The following ATAD3A variants were observed in gnomAD, a reference collection of about 807,000 sequenced individuals.
ATAD3A encodes the protein ATPase family AAA domain-containing protein 3A.
ATAD3A carries 46 observed loss-of-function variants against 73.8 expected under a neutral mutation model. The ratio of observed to expected loss-of-function variants is 0.62; its 90% CI spans 0.49 to 0.80. The LOEUF (loss-of-function observed/expected upper bound fraction) is 0.80, where lower values mean the gene tolerates loss of function less well. Ranked by LOEUF, ATAD3A falls within the 30% of genes least tolerant of loss-of-function variation. The pLI is 0.00. For synonymous variants in ATAD3A, 319 were observed against 350.0 expected, an observed-to-expected ratio of 0.91 and a Z score of 0.99; for missense variants, 705 against 838.0, an observed-to-expected ratio of 0.84 and a Z score of 1.96.
intron 7 of ATAD3A, among the ~76,000 whole-genome samples, chr1:1,521,759 G>T (rs1316388429): frequency 6.6e-6 from 1 of 152,236 alleles, no homozygotes; most frequent in Non-Finnish European, 1.5e-5. Context: ...GAGTGCAATG[G>T]TGCCATCTCG....
chr1:1,527,528 G>A lies in ATAD3A; in HGVS notation c.1338-167G>A, dbSNP rs375153997. On this transcript the variant is annotated intron_variant, in intron 13 of 15. Transcript: ENST00000378756. The stretch of plus-strand genomic sequence containing the variant: ...GAACAGAGGCCCAGGAAGCCAGGCC[G>A]GGGGACAGCTGGGTGCAGTGGGGCA... Among the ~76,000 whole-genome samples, 32 of 152,206 alleles carry A rather than the reference G, an allele frequency of 2.1e-4. 2 individuals are homozygous for A. Among genetic ancestry groups the A allele is most frequent in the African/African-American group, 7.0e-4 (29 of 41,454 alleles).
At chr1:1,528,131 T>C (rs1641914815) in intron 14 of ATAD3A, among the ~76,000 whole-genome samples, 1 of 152,082 alleles carries the variant, frequency 6.6e-6, no homozygotes, top group African/African-American at 2.4e-5. Context: ...GGCTAATTTT[T>C]TTTTAATTTT....
In ATAD3A at chr1:1,517,494, C is replaced by T. The variant is rs142207140; in HGVS notation, c.384+82C>T. 827 of 1,169,974 alleles carry T rather than the reference C, an allele frequency of 7.1e-4. 9 individuals are homozygous for T. The highest frequency in any genetic ancestry group is 6.1e-3 in the South Asian group (377 of 62,188). The allele number at this position is 1,169,974 out of a possible 1,614,324, so 72.5% of individuals were successfully genotyped here. A position where few individuals can be genotyped will look rare whatever the true frequency, so the allele number is the denominator to read the frequency against. ...CAGGACTGGGAGCTGGGTGTGGTCCCGGGGCACTCTGGAGTCAGCCATTAG... is the reference window on the plus strand; with the variant it reads ...CAGGACTGGGAGCTGGGTGTGGTCCTGGGGCACTCTGGAGTCAGCCATTAG... On this transcript the variant is annotated intron_variant, in intron 3 of 15. Transcript: ENST00000378756.
In ATAD3A at chr1:1,513,543, G is replaced by A. The variant is rs1641265002; in HGVS notation, c.205+1070G>A. On this transcript the variant is annotated intron_variant, in intron 1 of 15. Coordinates refer to ENST00000378756, the MANE Select transcript of ATAD3A (RefSeq NM_001170535.3). ...CCTCTCTGTGGTGGAGCGGGGCCCGGGGCAGGGTCTCCAGGTGCACCGTGG... is the reference window on the plus strand; with the variant it reads ...CCTCTCTGTGGTGGAGCGGGGCCCGAGGCAGGGTCTCCAGGTGCACCGTGG... Among the ~76,000 whole-genome samples, 5 of 151,920 alleles carry A rather than the reference G, an allele frequency of 3.3e-5. No homozygotes were observed. The South Asian group carries it at 8.3e-4, about 25-fold the overall frequency.
At position 1,526,448 on chromosome 1, in the gene ATAD3A, C is replaced by G. The variant is rs772487030; in HGVS notation, c.1267-13C>G. On this transcript the variant is annotated splice_polypyrimidine_tract_variant and intron_variant, in intron 12 of 15. Coordinates refer to ENST00000378756, the MANE Select transcript of ATAD3A (RefSeq NM_001170535.3). Reference sequence around the variant, plus strand: ...TGCTCCTGGTGCCTAAGGCTGGAACCTTCTCTCTGCAGGAGAAGATAAGCG... The same window carrying G: ...TGCTCCTGGTGCCTAAGGCTGGAACGTTCTCTCTGCAGGAGAAGATAAGCG... The G allele has an allele frequency of 6.2e-7, 1 of 1,608,002 alleles. No homozygotes were observed. The highest frequency in any genetic ancestry group is 8.5e-7 in the Non-Finnish European group (1 of 1,176,912).
chr1:1,526,564 G>C (rs1194765705), intron 13 of ATAD3A, 33 bp downstream of exon 13: 1 of 1,611,636 alleles, frequency 6.2e-7, no homozygotes, highest in East Asian at 2.2e-5. Flanking sequence ...GGGCCCCCGG[G>C]CAGGGCTGTG....
chr1:1,527,039 G>T (rs1570350314), intron 13 of ATAD3A: 6 of 558,754 alleles, frequency 1.1e-5, no homozygotes, highest in African/African-American at 1.0e-4. Flanking sequence ...ACCCGACTTT[G>T]TGTGGCCTCT....
chr1:1,533,818 C>T (rs550032779), intron 15 of ATAD3A, 108 bp from the exon 16 acceptor site: 18,397 of 1,399,846 alleles, frequency 0.013, 173 homozygotes, highest in Non-Finnish European at 0.015. Context: ...CACGCTCAGG[C>T]CATCCTGGAG....
intron 15 of ATAD3A, 147 bp downstream of exon 15, chr1:1,529,478 GC>G: frequency 6.9e-7 from 1 of 1,448,740 alleles, no homozygotes; most frequent in South Asian, 1.4e-5. Context: ...AGGGCCCCCT[GC>G]CCCAGTCAGG....
intron 12 of ATAD3A, 77 bp from the exon 13 acceptor site, chr1:1,526,384 G>A (rs1641843995): frequency 6.4e-7 from 1 of 1,565,544 alleles, no homozygotes; most frequent in Admixed American, 1.9e-5. Context: ...GCAGGAGGGA[G>A]GCCTGTGGGA....
chr1:1,524,986 G>A (rs1408471224), intron 11 of ATAD3A, among the ~76,000 whole-genome samples: 1 of 152,204 alleles, frequency 6.6e-6, no homozygotes, highest in African/African-American at 2.4e-5. Context: ...GGGTGGGGGT[G>A]AAGCCTGTGG....
chr1:1,515,788 C>G (rs1641335127), intron 1 of ATAD3A, among the ~76,000 whole-genome samples: 1 of 152,242 alleles, frequency 6.6e-6, no homozygotes, highest in African/African-American at 2.4e-5. Flanking sequence ...CTCTCCAAGA[C>G]CATCCCTGGG....
In ATAD3A at chr1:1,527,772, A is replaced by G; in HGVS notation, c.1415A>G (p.His472Arg). 6.2e-7 allele frequency: 1 copy of G among 1,613,962 alleles called. No homozygotes were observed. Among genetic ancestry groups the G allele is most frequent in the Non-Finnish European group, 8.5e-7 (1 of 1,179,954 alleles). ...AINDRINEMV[H>R]FDLPGQEERE... is the part of the protein sequence containing the mutation. ...AATGACCGCATCAATGAGATGGTCC[A>G]CTTCGACCTGCCAGGGCAGGAGGAA... Residue 472 changes from histidine to arginine, a missense_variant, in exon 14 of 16, where the codon CAC (histidine) becomes CGC (arginine). His to Arg is a conservative substitution (Grantham distance 29). Coordinates refer to ENST00000378756, the MANE Select transcript of ATAD3A (RefSeq NM_001170535.3).
At chr1:1,533,761 G>C (rs1642116283) in intron 15 of ATAD3A, among the ~76,000 whole-genome samples, 165 bp from the exon 16 acceptor site, 2 of 151,430 alleles carry the variant, frequency 1.3e-5, no homozygotes, top group Admixed American at 1.3e-4. Flanking sequence ...TGCTCCCGGT[G>C]TCCACACACG....
chr1:1,516,091 G>T lies in ATAD3A; in HGVS notation c.282+3G>T, dbSNP rs1283927287. 3.1e-6 allele frequency: 5 copies of T among 1,613,180 alleles called. No homozygotes were observed. The Admixed American group carries it at 8.3e-5, about 27-fold the overall frequency. On this transcript the variant is annotated splice_donor_region_variant and intron_variant, in intron 2 of 15. Transcript: ENST00000378756. ...TGGAGCAACAGTCCAAGCTCAAAGT[G>T]AGTGGGGCCGGTGTGGGTGGGGAGG...
At chr1:1,533,577 G>A (rs1191538170) in intron 15 of ATAD3A, among the ~76,000 whole-genome samples, 1 of 152,176 alleles carries the variant, frequency 6.6e-6, no homozygotes, top group Non-Finnish European at 1.5e-5. Context: ...TGACCCGGGG[G>A]CACTGCCTGG....
intron 7 of ATAD3A, among the ~76,000 whole-genome samples, chr1:1,521,692 C>T (rs888829944): frequency 6.6e-6 from 1 of 152,210 alleles, no homozygotes; most frequent in African/African-American, 2.4e-5. Context: ...GCTTAATGCG[C>T]CGATGACTTT....
At chr1:1,522,703 A>G (rs764442119) in intron 7 of ATAD3A, 41 bp from the exon 8 acceptor site, 7 of 1,608,386 alleles carry the variant, frequency 4.4e-6, no homozygotes, top group Non-Finnish European at 5.1e-6. Flanking sequence ...AGAGGGAGGG[A>G]CGGTGGGGGC....
chr1:1,517,023 A>G, intron 2 of ATAD3A: 3 of 1,420,390 alleles, frequency 2.1e-6, no homozygotes, highest in Non-Finnish European at 2.8e-6. Flanking sequence ...ACTCAGCAGG[A>G]TTCCTAAAAT....
Sources: gnomAD v4.1 joint callset for allele counts (sites outside exome capture counted in the v4.1 genomes callset) on GRCh38, gnomAD v4.1.1 for gene constraint, MANE v1.5 for transcripts, NCBI Gene and HGNC (gene_info 2026-07-23, HGNC 2026-07-21) for gene names.